The following PARP9 variants were observed in gnomAD, a reference collection of about 807,000 sequenced individuals.
PARP9 encodes protein mono-ADP-ribosyltransferase PARP9.
In PARP9, 48 loss-of-function variants were observed where a neutral mutation model predicts 68.8. That is an observed-to-expected ratio of 0.70 (90% CI 0.55 to 0.89). PARP9 has a LOEUF of 0.89. PARP9 is among the 40% of genes least tolerant of loss of function. The probability of loss-of-function intolerance (pLI) is 0.00; values close to 1 mark genes in which losing one functional copy is unlikely to be tolerated. For missense variants in PARP9, 806 were observed against 969.3 expected (o/e 0.83, Z 2.24); for synonymous variants, 309 against 333.8 (o/e 0.93, Z 0.81).
chr3:122,536,360 A>G lies in PARP9; in HGVS notation c.1906-18T>C. On this transcript the variant is annotated intron_variant, in intron 9 of 10. Coordinates refer to ENST00000682323, the MANE Select transcript of PARP9 (RefSeq NM_001146105.2). Reference sequence around the variant, plus strand: ...TTCTCCACCTAGAACCATAGAAAAGAAAGACTGAAAAAGAGGCTAGAGAAC... The same window carrying G: ...TTCTCCACCTAGAACCATAGAAAAGGAAGACTGAAAAAGAGGCTAGAGAAC... 1 of 1,607,966 alleles carries G rather than the reference A, an allele frequency of 6.2e-7. No individual in the cohort carries two copies. The highest frequency in any genetic ancestry group is 8.5e-7 in the Non-Finnish European group (1 of 1,177,784).
intron 9 of PARP9, chr3:122,536,656 T>A (rs906162188): frequency 1.9e-6 from 1 of 535,538 alleles, no homozygotes; most frequent in African/African-American, 1.9e-5. Context: ...TAACACAGTG[T>A]GATAAATGCT....
intron 8 of PARP9, among the ~76,000 whole-genome samples, chr3:122,538,957 AAC>A: frequency 1.3e-5 from 2 of 152,242 alleles, no homozygotes; most frequent in Middle Eastern, 3.4e-3. Flanking sequence ...TATTTTTACA[AAC>A]ACATGGTGAA....
At chr3:122,554,532 C>T (rs2079474720) in intron 4 of PARP9, among the ~76,000 whole-genome samples, 1 of 152,130 alleles carries the variant, frequency 6.6e-6, no homozygotes, top group Admixed American at 6.6e-5. Context: ...ATGATAAATA[C>T]TTATTATGTG....
chr3:122,561,849 A>G (rs868335626), intron 1 of PARP9, among the ~76,000 whole-genome samples: 11 of 152,008 alleles, frequency 7.2e-5, no homozygotes, highest in African/African-American at 2.4e-4. Flanking sequence ...TTTCAACTCC[A>G]CCTGGAGGTC....
intron 1 of PARP9, among the ~76,000 whole-genome samples, chr3:122,563,317 T>C (rs2080397739): frequency 6.6e-6 from 1 of 152,122 alleles, no homozygotes. Flanking sequence ...AATCGAGATG[T>C]GATGTAAGTA....
chr3:122,529,713 C>A (rs1211430483), intron 10 of PARP9, among the ~76,000 whole-genome samples: 2 of 147,424 alleles, frequency 1.4e-5, no homozygotes, highest in East Asian at 4.0e-4. Flanking sequence ...GAGGTTGCGC[C>A]ACTGCACTCC....
intron 10 of PARP9, among the ~76,000 whole-genome samples, chr3:122,529,302 T>C (rs1322755309): frequency 6.6e-6 from 1 of 150,814 alleles, no homozygotes; most frequent in Non-Finnish European, 1.5e-5. Context: ...TTCAAAGTAT[T>C]GCACATTGAT....
chr3:122,534,136 T>C, intron 10 of PARP9: 1 of 889,578 alleles, frequency 1.1e-6, no homozygotes, highest in African/African-American at 1.8e-5. Context: ...GACCAAAATC[T>C]TGAGTTGAAA....
At position 122,540,694 on chromosome 3, in the gene PARP9, G is replaced by A. The variant is rs376210509; in HGVS notation, c.1543C>T (p.His515Tyr). ...LQNHHIIENNHILYLGRKEHD... is the reference protein window; with the variant it reads ...LQNHHIIENNYILYLGRKEHD... ...TCCTTTCTCCCAAGGTACAGAATATGATTATTCTCAATGATGTGGTGGTTC... is the reference window on the plus strand; with the variant it reads ...TCCTTTCTCCCAAGGTACAGAATATAATTATTCTCAATGATGTGGTGGTTC... Residue 515 changes from histidine to tyrosine, a missense_variant, in exon 8 of 11, where the codon CAT becomes TAT. Physicochemically the swap from His to Tyr is moderately conservative, Grantham distance 83. Around this residue, in one of 2 missense-constraint regions of PARP9, gnomAD observed 680 missense variants for 858.8 expected, o/e 0.79. Transcript: ENST00000682323. The A allele has an allele frequency of 1.5e-5, 25 of 1,613,960 alleles. No homozygotes were observed. Among genetic ancestry groups the A allele is most frequent in the Non-Finnish European group, 2.0e-5 (24 of 1,179,988 alleles).
In PARP9 at chr3:122,550,702, T is replaced by A. The variant is rs2079130373; in HGVS notation, c.1208A>T (p.Lys403Met). 6.2e-7 allele frequency: 1 copy of A among 1,614,048 alleles called. No homozygotes were observed. The highest frequency in any genetic ancestry group is 2.2e-5 in the East Asian group (1 of 44,896). The change falls in exon 6 of 11, where the codon AAG becomes ATG. Residue 403 changes from lysine (K) to methionine (M), a missense_variant. Lys to Met is a moderately conservative substitution (Grantham distance 95, BLOSUM62 -1). Around this residue, in one of 2 missense-constraint regions of PARP9, gnomAD observed 680 missense variants for 858.8 expected, o/e 0.79. Transcript: ENST00000682323. ...CAAAATCTCTGCTGCTGTTTCCTTC[T>A]TTATTTCCATGTTTCCAGTCCCAAG... is the stretch of plus-strand genomic sequence containing the variant. ...PALGTGNMEI[K>M]KETAAEILFD... is the part of the protein sequence containing the mutation.
chr3:122,544,671 A>C (rs945542597), intron 7 of PARP9, among the ~76,000 whole-genome samples: 1 of 152,248 alleles, frequency 6.6e-6, no homozygotes, highest in Admixed American at 6.5e-5. Context: ...AAAATTAAAT[A>C]AAATAATAAA....
Position 122,555,975 on chromosome 3 carries a change from C to T in PARP9, c.196G>A (p.Glu66Lys). The T allele has an allele frequency of 1.7e-5, 28 of 1,613,802 alleles. No individual in the cohort carries two copies. The highest frequency in any genetic ancestry group is 2.4e-5 in the Non-Finnish European group (28 of 1,179,948). ...CISTLVSPVQ[E>K]GNSKSLQVFR... ...ACTTGCAGAGATTTGCTGTTGCCTT[C>T]CTGAACTGGAGAGACCAGGGTAGAG... The change falls in exon 4 of 11, where the codon GAA (glutamate) becomes AAA (lysine). Residue 66 changes from glutamate to lysine, a missense_variant. This residue lies in a region of PARP9 where 126 missense variants were observed against 110.5 expected (regional missense o/e 1.14). Transcript: ENST00000682323.
At chr3:122,544,676 A>G (rs2078554698) in intron 7 of PARP9, among the ~76,000 whole-genome samples, 1 of 152,156 alleles carries the variant, frequency 6.6e-6, no homozygotes, top group Admixed American at 6.6e-5. Flanking sequence ...TAAATAAAAT[A>G]ATAAAATAAA....
chr3:122,553,895 A>G (rs186369548), intron 4 of PARP9, among the ~76,000 whole-genome samples: 2 of 152,054 alleles, frequency 1.3e-5, no homozygotes, highest in African/African-American at 4.8e-5. Flanking sequence ...GGCTATAGGG[A>G]TGAATAAGCC....
At chr3:122,550,382 C>T (rs1418768651) in intron 6 of PARP9, among the ~76,000 whole-genome samples, 1 of 152,162 alleles carries the variant, frequency 6.6e-6, no homozygotes, top group Non-Finnish European at 1.5e-5. Context: ...TCTTGCCAAA[C>T]ATGGCTTCTA....
chr3:122,555,280 A>G lies in PARP9; in HGVS notation c.885+6T>C. The G allele has an allele frequency of 1.3e-6, 2 of 1,599,222 alleles. No individual in the cohort carries two copies. Among genetic ancestry groups the G allele is most frequent in the Middle Eastern group, 1.7e-4 (1 of 5,962 alleles). On this transcript the variant is annotated splice_donor_region_variant and intron_variant, in intron 4 of 10. Coordinates refer to ENST00000682323, the MANE Select transcript of PARP9 (RefSeq NM_001146105.2). ...CCAGTGCAAGAGAATAGAAACAAAG[A>G]CTTACCGTCTGCCATTCAATGTGGC...
At position 122,559,673 on chromosome 3, in the gene PARP9, AG is replaced by A; in HGVS notation, c.-54del. The A allele has an allele frequency of 7.2e-6, 11 of 1,536,254 alleles. No individual in the cohort carries two copies. In the South Asian group the frequency reaches 1.3e-4, roughly 19 times the overall value. On this transcript the variant is annotated 5_prime_UTR_variant, in exon 2 of 11. It removes the in-frame stop codon of an upstream open reading frame in the 5' UTR. Coordinates refer to ENST00000682323, the MANE Select transcript of PARP9 (RefSeq NM_001146105.2). Reference sequence around the variant, plus strand: ...ATGTTTATTCCCTTTTGCGCTTCAAAGCATAGACTGTAGTTTCCAGATATGG... The same window carrying A: ...ATGTTTATTCCCTTTTGCGCTTCAAACATAGACTGTAGTTTCCAGATATGG...
rs2078143135 is a variant in PARP9 at position 122,540,762 on chromosome 3, A to T, written c.1475T>A (p.Met492Lys). The change falls in exon 8 of 11, where the codon ATG becomes AAG. Residue 492 changes from methionine (M) to lysine (K), a missense_variant. Transcript: ENST00000682323. The stretch of plus-strand genomic sequence containing the variant: ...TTGGATCCATGCGTGGGCCTCATAC[A>T]TCTCTTCCACGTTGAATCCCATCAG... ...INLMGFNVEE[M>K]YEAHAWIQRI... 1 of 1,614,142 alleles carries T rather than the reference A, an allele frequency of 6.2e-7. No homozygotes were observed. Among genetic ancestry groups the T allele is most frequent in the African/African-American group, 1.3e-5 (1 of 75,030 alleles).
At chr3:122,553,271 G>C (rs115796352) in intron 4 of PARP9, among the ~76,000 whole-genome samples, 1 of 152,010 alleles carries the variant, frequency 6.6e-6, no homozygotes, top group South Asian at 2.1e-4. Flanking sequence ...ACATATACAT[G>C]AGCTGTACTT....
Sources: gnomAD v4.1 joint callset for allele counts (sites outside exome capture counted in the v4.1 genomes callset) on GRCh38, gnomAD v4.1.1 for gene constraint, gnomAD v4.1.1 regional missense constraint, MANE v1.5 for transcripts, NCBI Gene and HGNC (gene_info 2026-07-23, HGNC 2026-07-21) for gene names.